EGFR: variants seen among roughly 807,000 people sequenced by gnomAD.
EGFR encodes avian erythroblastic leukemia viral (v-erb-b) oncogene homolog.
A neutral mutation model predicts 143.0 loss-of-function variants in EGFR; 58 were observed. The ratio of observed to expected loss-of-function variants is 0.41; its 90% CI spans 0.33 to 0.50. The LOEUF (loss-of-function observed/expected upper bound fraction) is 0.50. EGFR is among the 20% of genes least tolerant of loss of function. EGFR has a pLI of 0.39. For synonymous variants in EGFR, 613 were observed against 594.4 expected (o/e 1.03, Z -0.45); for missense variants, 1,307 against 1,579.0 (o/e 0.83, Z 2.92).
chr7:55,116,957 T>C (rs1372606762), intron 1 of EGFR, among the ~76,000 whole-genome samples: 44 of 152,212 alleles, frequency 2.9e-4, no homozygotes, highest in Admixed American at 2.9e-3. Flanking sequence ...TTATGAATAT[T>C]GTCCCACGTG....
rs1287375190 is a variant in EGFR at position 55,023,005 on chromosome 7, CT to C, written c.88+3646del. 2.0e-5 allele frequency among the ~76,000 whole-genome samples: 3 copies of C among 152,286 alleles called. No homozygotes were observed. In the East Asian group the frequency reaches 5.8e-4, roughly 29 times the overall value. ...TAAGACTAGCAGCTAGCATCTGAAA[CT>C]TTTTTGACGAGAGTGACAAACCAAC... On this transcript the variant is annotated intron_variant, in intron 1 of 27. Transcript: ENST00000275493.
chr7:55,030,690 C>T (rs192385929), intron 1 of EGFR, among the ~76,000 whole-genome samples: 3 of 152,334 alleles, frequency 2.0e-5, no homozygotes, highest in Admixed American at 1.3e-4. Flanking sequence ...TAAATGAAGG[C>T]ATACACTTAA....
intron 1 of EGFR, among the ~76,000 whole-genome samples, chr7:55,037,231 T>C (rs1787637852): frequency 2.0e-5 from 3 of 152,190 alleles, no homozygotes; most frequent in Admixed American, 6.5e-5. Flanking sequence ...TTCAACTCAA[T>C]AGGCATGTGT....
rs2128939620 is a variant in EGFR, at chr7:55,157,679, G to A, written c.1224G>A (p.Gln408=). 6.2e-7 allele frequency: 1 copy of A among 1,614,220 alleles called. No individual in the cohort carries two copies. The highest frequency in any genetic ancestry group is 8.5e-7 in the Non-Finnish European group (1 of 1,180,042). The change falls in exon 11 of 28, where the codon CAG becomes CAA. Residue 408 remains glutamine, a synonymous_variant. Coordinates refer to ENST00000275493, the MANE Select transcript of EGFR (RefSeq NM_005228.5). ...GCCTTACAGGGTTTTTGCTGATTCA[G>A]GCTTGGCCTGAAAACAGGACGGACC... ...VKEITGFLLI[Q]AWPENRTDLH...
chr7:55,108,227 T>C (rs1301893708), intron 1 of EGFR, among the ~76,000 whole-genome samples: 1 of 152,236 alleles, frequency 6.6e-6, no homozygotes, highest in Non-Finnish European at 1.5e-5. Context: ...TCCCACAGAA[T>C]TTTCAACAAA....
Position 55,019,289 on chromosome 7 carries a change from C to T in EGFR, c.12C>T (p.Ser4=), listed in dbSNP as rs1171634506. The T allele has an allele frequency of 1.3e-6, 2 of 1,505,542 alleles. No individual in the cohort carries two copies. The highest frequency in any genetic ancestry group is 1.2e-5 in the South Asian group (1 of 82,350). The allele number at this position is 1,505,542 out of a possible 1,614,324, so 93.3% of individuals were successfully genotyped here. A position where few individuals can be genotyped will look rare whatever the true frequency, so the allele number is the denominator to read the frequency against. ...TTCGGGGAGCAGCGATGCGACCCTC[C>T]GGGACGGCCGGGGCAGCGCTCCTGG... MRP[S]GTAGAALLAL... Residue 4 remains serine (S), a synonymous_variant, in exon 1 of 28, where the codon TCC becomes TCT. Transcript: ENST00000275493.
intron 1 of EGFR, among the ~76,000 whole-genome samples, chr7:55,048,234 G>A (rs1788291385): frequency 1.3e-5 from 2 of 152,172 alleles, no homozygotes; most frequent in African/African-American, 4.8e-5. Flanking sequence ...AATGACACAT[G>A]CCTTGCTCTG....
At chr7:55,066,389 G>A (rs1789506452) in intron 1 of EGFR, among the ~76,000 whole-genome samples, 1 of 152,136 alleles carries the variant, frequency 6.6e-6, no homozygotes, top group African/African-American at 2.4e-5. Context: ...TGTTCCCCGG[G>A]AGCTGGTGCA....
chr7:55,075,735 G>A (rs753034080), intron 1 of EGFR, among the ~76,000 whole-genome samples: 12 of 152,116 alleles, frequency 7.9e-5, no homozygotes, highest in Admixed American at 1.3e-4. Flanking sequence ...TCTCTGGCAC[G>A]CTCAGAGCTA....
intron 1 of EGFR, among the ~76,000 whole-genome samples, chr7:55,111,515 G>T (rs943417326): frequency 6.6e-6 from 1 of 152,022 alleles, no homozygotes; most frequent in African/African-American, 2.4e-5. Flanking sequence ...TGTATTAGGG[G>T]GTTTTAAATT....
At chr7:55,171,568 G>A (rs1481595865) in intron 16 of EGFR, among the ~76,000 whole-genome samples, 1 of 152,156 alleles carries the variant, frequency 6.6e-6, no homozygotes, top group Non-Finnish European at 1.5e-5. Context: ...TACCCCATTG[G>A]TCCCATCACA....
chr7:55,126,853 T>C (rs559395488), intron 1 of EGFR, among the ~76,000 whole-genome samples: 5 of 152,310 alleles, frequency 3.3e-5, no homozygotes, highest in African/African-American at 1.2e-4. Context: ...ATATTCATTA[T>C]ACAAAAAGTA....
At chr7:55,056,827 G>A (rs552307397) in intron 1 of EGFR, among the ~76,000 whole-genome samples, 23 of 152,348 alleles carry the variant, frequency 1.5e-4, no homozygotes, top group African/African-American at 5.5e-4. Flanking sequence ...GGAGGCTGGA[G>A]CACATTAATA....
chr7:55,203,049 T>G, intron 27 of EGFR: 1 of 321,014 alleles, frequency 3.1e-6, no homozygotes, highest in Non-Finnish European at 5.7e-6. Flanking sequence ...TATTAGTTAA[T>G]ATTAATAAAT....
At chr7:55,103,664 G>T (rs1791954737) in intron 1 of EGFR, among the ~76,000 whole-genome samples, 1 of 152,226 alleles carries the variant, frequency 6.6e-6, no homozygotes, top group African/African-American at 2.4e-5. Context: ...TGTCGTGGGT[G>T]TTTGGATATT....
At chr7:55,040,645 T>C (rs1787846701) in intron 1 of EGFR, among the ~76,000 whole-genome samples, 1 of 152,256 alleles carries the variant, frequency 6.6e-6, no homozygotes, top group African/African-American at 2.4e-5. Flanking sequence ...TATTTCTCAG[T>C]GTCTACTTAT....
rs1396925290 is a variant in EGFR at position 55,157,593 on chromosome 7, A to G, written c.1208-70A>G. ...TATAATACAGAGTCCCTGAGAGTCTAGAGTAATGTCTCATACAAAAAAGAA... is the reference window on the plus strand; with the variant it reads ...TATAATACAGAGTCCCTGAGAGTCTGGAGTAATGTCTCATACAAAAAAGAA... On this transcript the variant is annotated intron_variant, in intron 10 of 27. Transcript: ENST00000275493. 3.2e-6 allele frequency: 4 copies of G among 1,261,160 alleles called. No homozygotes were observed. In the East Asian group the frequency reaches 6.9e-5, roughly 22 times the overall value. The allele number at this position is 1,261,160 out of a possible 1,614,324, so 78.1% of individuals were successfully genotyped here. A position where few individuals can be genotyped will look rare whatever the true frequency, so the allele number is the denominator to read the frequency against.
intron 1 of EGFR, among the ~76,000 whole-genome samples, chr7:55,054,837 A>C (rs1289252432): frequency 6.6e-6 from 1 of 152,036 alleles, no homozygotes; most frequent in Non-Finnish European, 1.5e-5. Context: ...GCTCTTTCCC[A>C]TGTTTGTGGC....
At chr7:55,064,065 A>T (rs1789356202) in intron 1 of EGFR, among the ~76,000 whole-genome samples, 1 of 152,230 alleles carries the variant, frequency 6.6e-6, no homozygotes. Context: ...GACTAAAAGA[A>T]AACTTGTAAA....
Sources: gnomAD v4.1 joint callset for allele counts (sites outside exome capture counted in the v4.1 genomes callset) on GRCh38, gnomAD v4.1.1 for gene constraint, MANE v1.5 for transcripts, NCBI Gene and HGNC (gene_info 2026-07-23, HGNC 2026-07-21) for gene names.